MBNL1: variants seen among roughly 807,000 people sequenced by gnomAD.
MBNL1 encodes muscleblind-like protein 1.
A neutral mutation model predicts 42.2 loss-of-function variants in MBNL1; 8 were observed. That is an observed-to-expected ratio of 0.19 (90% CI 0.11 to 0.34). The LOEUF is 0.34. Ranked by LOEUF, MBNL1 falls within the 10% of genes least tolerant of loss-of-function variation. MBNL1 has a pLI of 1.00. For synonymous variants in MBNL1, 169 were observed against 173.9 expected (o/e 0.97, Z 0.22); for missense variants, 309 against 495.3 (o/e 0.62, Z 3.57).
intron 2 of MBNL1, among the ~76,000 whole-genome samples, chr3:152,409,923 C>G (rs1421819998): frequency 6.6e-6 from 1 of 152,062 alleles, no homozygotes; most frequent in East Asian, 1.9e-4. Flanking sequence ...TTATTAAGTC[C>G]AACCAACTTC....
At chr3:152,269,163 G>C in intron 1 of MBNL1, 71 bp downstream of exon 1, 1 of 420,014 alleles carries the variant, frequency 2.4e-6, no homozygotes. Flanking sequence ...GCCCGTGGCT[G>C]AAGGAGGAAG....
chr3:152,433,682 A>G (rs2055356), intron 4 of MBNL1, among the ~76,000 whole-genome samples: 51,704 of 149,506 alleles, frequency 0.35, 9,090 homozygotes, highest in Middle Eastern at 0.42. Context: ...CCCGGGAGGC[A>G]GAGCTTGCAG....
chr3:152,439,723 C>T (rs2099122019), intron 4 of MBNL1, among the ~76,000 whole-genome samples: 1 of 152,024 alleles, frequency 6.6e-6, no homozygotes, highest in Non-Finnish European at 1.5e-5. Flanking sequence ...GTGGTTCACA[C>T]CTGCAGTCCC....
chr3:152,357,726 A>G (rs2095629896), intron 2 of MBNL1, among the ~76,000 whole-genome samples: 1 of 152,008 alleles, frequency 6.6e-6, no homozygotes, highest in Admixed American at 6.6e-5. Flanking sequence ...TTAAGTTACT[A>G]CTCCCACAGG....
chr3:152,349,425 T>G (rs2094669491), intron 2 of MBNL1, among the ~76,000 whole-genome samples: 1 of 152,012 alleles, frequency 6.6e-6, no homozygotes, highest in Admixed American at 6.6e-5. Context: ...TTTAAAAGAA[T>G]AGCTGAATGT....
At position 152,342,377 on chromosome 3, in the gene MBNL1, T is replaced by TA. The variant is rs1332712773; in HGVS notation, c.174+42011dup. Among the ~76,000 whole-genome samples the TA allele has an allele frequency of 2.6e-5, 4 of 152,280 alleles. No homozygotes were observed. The East Asian group carries it at 7.7e-4, about 29-fold the overall frequency. On this transcript the variant is annotated intron_variant, in intron 2 of 9. Transcript: ENST00000324210. Reference sequence around the variant, plus strand: ...AATATTGTCTCCTTCTCAGGGTTTTTATGAAGATTTAATTTTACGAGACAG... The same window carrying TA: ...AATATTGTCTCCTTCTCAGGGTTTTTAATGAAGATTTAATTTTACGAGACAG...
At chr3:152,326,651 GA>G (rs1288155667) in intron 2 of MBNL1, among the ~76,000 whole-genome samples, 1 of 151,628 alleles carries the variant, frequency 6.6e-6, no homozygotes, top group African/African-American at 2.4e-5. Context: ...CAGAAAAAGG[GA>G]AAAAATGCAT....
chr3:152,335,183 G>C, intron 2 of MBNL1: 20 of 1,289,642 alleles, frequency 1.6e-5, no homozygotes, highest in Non-Finnish European at 1.9e-5. Context: ...AGAAGAAGCT[G>C]TATCTTATCT....
At chr3:152,428,702 C>T (rs529528927) in intron 3 of MBNL1, among the ~76,000 whole-genome samples, 7 of 152,180 alleles carry the variant, frequency 4.6e-5, no homozygotes, top group African/African-American at 1.7e-4. Context: ...AAAAATACTG[C>T]CACTTACCAG....
intron 1 of MBNL1, among the ~76,000 whole-genome samples, chr3:152,297,259 T>TTG (rs1553786744): frequency 2.0e-5 from 3 of 151,222 alleles, no homozygotes; most frequent in Non-Finnish European, 4.4e-5. Context: ...CCTTTGTTTT[T>TTG]TTTTTTTTTT....
At chr3:152,275,673 A>G (rs1040332487) in intron 1 of MBNL1, among the ~76,000 whole-genome samples, 1 of 137,204 alleles carries the variant, frequency 7.3e-6, no homozygotes, top group Non-Finnish European at 1.5e-5. Context: ...ATGCCACTGC[A>G]CTCCAGTCTG....
chr3:152,367,792 T>G (rs1398315224), intron 2 of MBNL1, among the ~76,000 whole-genome samples: 1 of 152,210 alleles, frequency 6.6e-6, no homozygotes, highest in East Asian at 1.9e-4. Flanking sequence ...GTGATGAGCA[T>G]TTTTTCATGT....
intron 1 of MBNL1, among the ~76,000 whole-genome samples, chr3:152,279,910 A>G (rs1229903176): frequency 6.6e-6 from 1 of 152,198 alleles, no homozygotes; most frequent in East Asian, 1.9e-4. Context: ...CTGTGACTTT[A>G]AAAGATAAGC....
intron 1 of MBNL1, among the ~76,000 whole-genome samples, chr3:152,292,126 T>G (rs192519722): frequency 9.8e-5 from 15 of 152,330 alleles, no homozygotes; most frequent in Admixed American, 5.9e-4. Flanking sequence ...AGTAGGGACT[T>G]GGACGAAGGC....
At chr3:152,283,935 C>T (rs1322329511) in intron 1 of MBNL1, among the ~76,000 whole-genome samples, 2 of 152,192 alleles carry the variant, frequency 1.3e-5, no homozygotes, top group Admixed American at 6.5e-5. Flanking sequence ...CTCTCTTTAA[C>T]TTACCAAGCT....
Position 152,415,025 on chromosome 3 carries a change from T to A in MBNL1, c.259T>A (p.Leu87Met). The change falls in exon 3 of 10, where the codon TTG becomes ATG. Residue 87 changes from leucine to methionine, a missense_variant. Coordinates refer to ENST00000324210, the MANE Select transcript of MBNL1 (RefSeq NM_021038.5). ...GTTGGAGATAAATGGACGCAATAACTTGATTCAGCAGAAGAACATGGCCAT... is the reference window on the plus strand; with the variant it reads ...GTTGGAGATAAATGGACGCAATAACATGATTCAGCAGAAGAACATGGCCAT... ...TQLEINGRNN[L>M]IQQKNMAMLA... 1 of 1,610,534 alleles carries A rather than the reference T, an allele frequency of 6.2e-7. No homozygotes were observed. Among genetic ancestry groups the A allele is most frequent in the Non-Finnish European group, 8.5e-7 (1 of 1,179,024 alleles).
chr3:152,418,146 C>T (rs112804478), intron 3 of MBNL1, among the ~76,000 whole-genome samples: 147 of 152,276 alleles, frequency 9.7e-4, no homozygotes, highest in African/African-American at 3.3e-3. Context: ...GCACTTGGCA[C>T]TTTTTGTATA....
intron 2 of MBNL1, among the ~76,000 whole-genome samples, chr3:152,394,404 CT>C (rs2097846159): frequency 6.6e-6 from 1 of 152,180 alleles, no homozygotes; most frequent in African/African-American, 2.4e-5. Context: ...TGAATATAGC[CT>C]GCCAAATTTG....
At chr3:152,433,354 G>A (rs1401027553) in intron 4 of MBNL1, among the ~76,000 whole-genome samples, 1 of 152,136 alleles carries the variant, frequency 6.6e-6, no homozygotes, top group African/African-American at 2.4e-5. Flanking sequence ...ACAAATATTA[G>A]TGTCTATAAA....
Sources: gnomAD v4.1 joint callset for allele counts (sites outside exome capture counted in the v4.1 genomes callset) on GRCh38, gnomAD v4.1.1 for gene constraint, MANE v1.5 for transcripts, NCBI Gene and HGNC (gene_info 2026-07-23, HGNC 2026-07-21) for gene names.